The following WRAP73 variants were observed in gnomAD, a reference collection of about 807,000 sequenced individuals.
WRAP73 encodes WD repeat containing, antisense to TP73, also known as WD repeat-containing protein WRAP73.
Under a neutral mutation model 59.6 loss-of-function variants are expected in WRAP73, and 55 were observed. The ratio of observed to expected loss-of-function variants is 0.92; its 90% CI spans 0.74 to 1.15. The LOEUF is 1.15. Among genes scored for constraint, WRAP73 ranks in the 50% most tolerant of loss-of-function variants. The pLI, the probability that WRAP73 is intolerant of heterozygous loss-of-function variation, is 0.00. For missense variants in WRAP73, 592 were observed against 608.1 expected, an observed-to-expected ratio of 0.97 and a Z score of 0.28; for synonymous variants, 265 against 258.2, an observed-to-expected ratio of 1.03 and a Z score of -0.25.
chr1:3,641,640 G>A (rs565434951), intron 3 of WRAP73, among the ~76,000 whole-genome samples: 4 of 152,232 alleles, frequency 2.6e-5, no homozygotes, highest in Admixed American at 6.5e-5. Context: ...TGCCACGGGC[G>A]AACAGTCTTG....
At position 3,639,663 on chromosome 1, in the gene WRAP73, A is replaced by G. The variant is rs1286142189; in HGVS notation, c.340-841T>C. ...CTGATGAATCTGGTAGTTAACTGAA[A>G]TATGGCCGAGGTGCGGGGACACAAG... is the stretch of plus-strand genomic sequence containing the variant. On this transcript the variant is annotated intron_variant, in intron 3 of 11. Coordinates refer to ENST00000270708, the MANE Select transcript of WRAP73 (RefSeq NM_017818.4). The surrounding 1 kb of genome is among the most constrained non-coding windows in gnomAD (Gnocchi z 4.3). 1.3e-5 allele frequency: 2 copies of G among 152,050 alleles called. No homozygotes were observed. The highest frequency in any genetic ancestry group is 2.9e-5 in the Non-Finnish European group (2 of 68,068). 9.4% of individuals were successfully genotyped at this position (152,050 alleles called of 1,614,324 possible). A position where few individuals can be genotyped will look rare whatever the true frequency, so the allele number is the denominator to read the frequency against.
chr1:3,637,041 T>C lies in WRAP73; in HGVS notation c.470A>G (p.Lys157Arg), dbSNP rs1414444720. ...GCAGACGAAGATGCTCACGTAATCTTTGCAGTCGCGCCGTTCTGCCAGCGC... is the reference window on the plus strand; with the variant it reads ...GCAGACGAAGATGCTCACGTAATCTCTGCAGTCGCGCCGTTCTGCCAGCGC... ...YMALAERRDC[K>R]DYVSIFVCSD... The change falls in exon 5 of 12, where the codon AAA (lysine) becomes AGA (arginine). Residue 157 changes from lysine to arginine, a missense_variant. Transcript: ENST00000270708. 6.2e-7 allele frequency: 1 copy of C among 1,613,646 alleles called. No homozygotes were observed. Among genetic ancestry groups the C allele is most frequent in the South Asian group, 1.1e-5 (1 of 91,062 alleles).
Position 3,631,023 on chromosome 1 carries a change from T to C in WRAP73, c.1335A>G (p.Thr445=). 1 of 1,613,136 alleles carries C rather than the reference T, an allele frequency of 6.2e-7. No homozygotes were observed. Among genetic ancestry groups the C allele is most frequent in the Non-Finnish European group, 8.5e-7 (1 of 1,180,018 alleles). The change falls in exon 12 of 12, where the codon ACA becomes ACG. Residue 445 remains threonine, a synonymous_variant. Coordinates refer to ENST00000270708, the MANE Select transcript of WRAP73 (RefSeq NM_017818.4). ...TGCAGGCTGTGCCGACCACTGCCTC[T>C]GTCTCCAGGAAGCAGAGGCAGAAGT... ...KDHFCLCFLE[T]EAVVGTACRQ...
chr1:3,632,633 G>A (rs10909994), intron 9 of WRAP73: 14,315 of 434,850 alleles, frequency 0.033, 1,723 homozygotes, highest in African/African-American at 0.26. Flanking sequence ...GGTCCTAGCT[G>A]CAATCTCAGC....
chr1:3,647,468 G>C lies in WRAP73; in HGVS notation c.162C>G (p.Ile54Met). The part of the protein sequence containing the change: ...LYTCLDQIQH[I>M]EWSADSLFIL... ...TGAAGAGCGAGTCTGCCGACCACTCGATGTGCTGGATCTGGTCTAGGCACG... is the reference window on the plus strand; with the variant it reads ...TGAAGAGCGAGTCTGCCGACCACTCCATGTGCTGGATCTGGTCTAGGCACG... The change falls in exon 2 of 12, where the codon ATC becomes ATG. Residue 54 changes from isoleucine to methionine, a missense_variant. By Grantham distance (10) the Ile-to-Met change is conservative. Coordinates refer to ENST00000270708, the MANE Select transcript of WRAP73 (RefSeq NM_017818.4). 1 of 1,613,948 alleles carries C rather than the reference G, an allele frequency of 6.2e-7. No individual in the cohort carries two copies. The highest frequency in any genetic ancestry group is 8.5e-7 in the Non-Finnish European group (1 of 1,179,932).
Position 3,647,562 on chromosome 1 carries a change from TA to T in WRAP73, c.70-3del. On this transcript the variant is annotated splice_region_variant and splice_polypyrimidine_tract_variant and intron_variant, in intron 1 of 11. Coordinates refer to ENST00000270708, the MANE Select transcript of WRAP73 (RefSeq NM_017818.4). ...TAACCGGTACTGGACACAGGAAGCCTAAAAAATATGAGAAAGCAAGCACCTG... is the reference window on the plus strand; with the variant it reads ...TAACCGGTACTGGACACAGGAAGCCTAAAAATATGAGAAAGCAAGCACCTG... The T allele has an allele frequency of 1.2e-6, 2 of 1,609,414 alleles. No homozygotes were observed. Among genetic ancestry groups the T allele is most frequent in the East Asian group, 2.2e-5 (1 of 44,594 alleles).
chr1:3,634,459 C>T (rs1644570380), intron 8 of WRAP73: 1 of 173,372 alleles, frequency 5.8e-6, no homozygotes. Context: ...TTCCCTTGGC[C>T]TGGAACGCTC....
chr1:3,638,597 G>A (rs979024035), intron 4 of WRAP73, among the ~76,000 whole-genome samples, 153 bp downstream of exon 4: 13 of 152,238 alleles, frequency 8.5e-5, no homozygotes, highest in Admixed American at 8.5e-4. Context: ...GATGAAGTAT[G>A]AGGAGACCTA....
chr1:3,632,509 C>T (rs1240756202), intron 9 of WRAP73, 171 bp from the exon 10 acceptor site: 8 of 1,045,400 alleles, frequency 7.7e-6, no homozygotes, highest in Non-Finnish European at 1.1e-5. Flanking sequence ...GCAGCCGCAG[C>T]GAGGGGCCTG....
chr1:3,635,554 C>T (rs1489807950), intron 6 of WRAP73: 1 of 548,056 alleles, frequency 1.8e-6, no homozygotes, highest in Non-Finnish European at 3.2e-6. Context: ...GGCACTGTGG[C>T]TCACGCCTGT....
chr1:3,649,677 C>T (rs1021419414), intron 1 of WRAP73, among the ~76,000 whole-genome samples: 1 of 150,330 alleles, frequency 6.7e-6, no homozygotes, highest in African/African-American at 2.5e-5. Context: ...CCTGCCTGGG[C>T]CCCGCACCTG....
rs1255117094 is a variant in WRAP73 at position 3,631,352 on chromosome 1, A to C, written c.1240+114T>G. On this transcript the variant is annotated intron_variant, in intron 11 of 11. Coordinates refer to ENST00000270708, the MANE Select transcript of WRAP73 (RefSeq NM_017818.4). ...AGGTTTACGCAAAGACTCTGAGGGCAGTTTCCCTGGAGTGCTGCCGGAGAC... is the reference window on the plus strand; with the variant it reads ...AGGTTTACGCAAAGACTCTGAGGGCCGTTTCCCTGGAGTGCTGCCGGAGAC... 4 of 1,398,666 alleles carry C rather than the reference A, an allele frequency of 2.9e-6. No homozygotes were observed. The Admixed American group carries it at 8.6e-5, about 30-fold the overall frequency. The allele number at this position is 1,398,666 out of a possible 1,614,324, so 86.6% of individuals were successfully genotyped here.
At position 3,631,614 on chromosome 1, in the gene WRAP73, C is replaced by T. The variant is rs950586613; in HGVS notation, c.1092G>A (p.Leu364=). The part of the protein sequence containing the change: ...NAVWVWDIQK[L]RLFAVLEQLS... ...GCTGCTCGAGCACCGCGAACAGCCTCAGCTTCTGAATGTCCCAGACCCAGA... is the reference window on the plus strand; with the variant it reads ...GCTGCTCGAGCACCGCGAACAGCCTTAGCTTCTGAATGTCCCAGACCCAGA... Residue 364 remains leucine (L), a synonymous_variant, in exon 11 of 12, where the codon CTG becomes CTA. Transcript: ENST00000270708. 3.1e-6 allele frequency: 5 copies of T among 1,604,044 alleles called. No individual in the cohort carries two copies. The highest frequency in any genetic ancestry group is 1.7e-5 in the Admixed American group (1 of 59,990).
At position 3,646,626 on chromosome 1, in the gene WRAP73, G is replaced by T; in HGVS notation, c.339+40C>A. 6.5e-7 allele frequency: 1 copy of T among 1,539,992 alleles called. No homozygotes were observed. The highest frequency in any genetic ancestry group is 8.9e-7 in the Non-Finnish European group (1 of 1,123,914). On this transcript the variant is annotated intron_variant, in intron 3 of 11. Transcript: ENST00000270708. This position sits in a 1 kb window ranked among gnomAD's most constrained non-coding sequence, Gnocchi z 5.1. ...CAGCTGTTTCGAGAGCAGAGGACAG[G>T]ATCACATGGCCAGTAAGGTGTCTTG...
intron 4 of WRAP73, 115 bp from the exon 5 acceptor site, chr1:3,637,213 G>C: frequency 2.2e-6 from 2 of 903,372 alleles, no homozygotes; most frequent in Non-Finnish European, 3.4e-6. Flanking sequence ...GAAAAGAAGG[G>C]AAATGGCACA....
chr1:3,644,440 C>G (rs1205629666), intron 3 of WRAP73, among the ~76,000 whole-genome samples: 1 of 152,246 alleles, frequency 6.6e-6, no homozygotes, highest in African/African-American at 2.4e-5. Flanking sequence ...CGCTAATCCT[C>G]GAACGGGTCT....
In WRAP73 at chr1:3,647,578, G is replaced by C. The variant is rs1570313578; in HGVS notation, c.70-18C>G. The C allele has an allele frequency of 7.5e-6, 12 of 1,608,516 alleles. No individual in the cohort carries two copies. Among genetic ancestry groups the C allele is most frequent in the Non-Finnish European group, 1.0e-5 (12 of 1,177,248 alleles). On this transcript the variant is annotated intron_variant, in intron 1 of 11. Coordinates refer to ENST00000270708, the MANE Select transcript of WRAP73 (RefSeq NM_017818.4). ...CAGGAAGCCTAAAAAATATGAGAAA[G>C]CAAGCACCTGACATTCTCCACTCCA...
intron 3 of WRAP73, among the ~76,000 whole-genome samples, chr1:3,643,354 G>T (rs1366734327): frequency 6.6e-6 from 1 of 152,266 alleles, no homozygotes; most frequent in Non-Finnish European, 1.5e-5. Flanking sequence ...CAGGTGGGGA[G>T]GGCATTGCTA....
At chr1:3,634,896 G>A (rs1644574527) in intron 8 of WRAP73, 101 bp downstream of exon 8, 2 of 1,391,678 alleles carry the variant, frequency 1.4e-6, no homozygotes, top group African/African-American at 1.4e-5. Flanking sequence ...GAAGTGCCCG[G>A]TTAAATAATA....
Sources: allele counts gnomAD v4.1 joint callset (sites outside exome capture counted in the v4.1 genomes callset), GRCh38; gene constraint gnomAD v4.1.1; non-coding constraint Gnocchi (gnomAD v3.1); transcripts MANE v1.5; gene names NCBI Gene and HGNC (gene_info 2026-07-23, HGNC 2026-07-21).